ADAMTS18: variants seen among roughly 807,000 people sequenced by gnomAD.
ADAMTS18 encodes ADAM metallopeptidase with thrombospondin type 1 motif 18, also known as A disintegrin and metalloproteinase with thrombospondin motifs 18.
In ADAMTS18, 157 loss-of-function variants were observed where a neutral mutation model predicts 165.9. The ratio of observed to expected loss-of-function variants is 0.95; its 90% CI spans 0.83 to 1.08. The LOEUF is 1.08. Ranked by LOEUF, ADAMTS18 falls within the 50% of genes least tolerant of loss-of-function variation. The probability of loss-of-function intolerance (pLI) is 0.00; values close to 1 mark genes in which losing one functional copy is unlikely to be tolerated. For synonymous variants in ADAMTS18, 782 were observed against 578.2 expected (o/e 1.35, Z -5.06); for missense variants, 2,040 against 1,534.0 (o/e 1.33, Z -5.51).
intron 16 of ADAMTS18, among the ~76,000 whole-genome samples, chr16:77,314,649 G>GTGTGTGTGTGTGTGTGTGTATA (rs10527824): frequency 1.6e-5 from 2 of 126,500 alleles, no homozygotes; most frequent in African/African-American, 6.2e-5. Flanking sequence ...GTGTGTGTGT[G>GTGTGTGTGTGTGTGTGTGTATA]TATATATATA....
At chr16:77,295,617 G>C (rs1234281471) in intron 18 of ADAMTS18, among the ~76,000 whole-genome samples, 2 of 152,198 alleles carry the variant, frequency 1.3e-5, no homozygotes, top group Non-Finnish European at 2.9e-5. Flanking sequence ...AGTCATCAAT[G>C]AGAGAGAAAG....
chr16:77,388,498 G>A (rs1321573096), intron 3 of ADAMTS18, among the ~76,000 whole-genome samples: 2 of 152,156 alleles, frequency 1.3e-5, no homozygotes, highest in African/African-American at 2.4e-5. Context: ...CCAAATGTGT[G>A]GGTTCAAATT....
rs1339666455 is a variant in ADAMTS18, at chr16:77,291,346, C to T, written c.3322G>A (p.Glu1108Lys). 20 of 1,614,228 alleles carry T rather than the reference C, an allele frequency of 1.2e-5. No individual in the cohort carries two copies. The highest frequency in any genetic ancestry group is 1.6e-5 in the Non-Finnish European group (19 of 1,180,036). The change falls in exon 21 of 23, where the codon GAG becomes AAG. Residue 1108 changes from glutamate to lysine, a missense_variant. Coordinates refer to ENST00000282849, the MANE Select transcript of ADAMTS18 (RefSeq NM_199355.4). ...GGGCAAGCCCGTCGGTTGCAGGTCTCTTCCAAGTCCAGATTTGGTTTCTTA... is the reference window on the plus strand; with the variant it reads ...GGGCAAGCCCGTCGGTTGCAGGTCTTTTCCAAGTCCAGATTTGGTTTCTTA... The part of the protein sequence containing the change: ...NIKKPNLDLE[E>K]TCNRRACPAH...
intron 10 of ADAMTS18, 27 bp from the exon 11 acceptor site, chr16:77,341,826 G>A: frequency 2.0e-6 from 3 of 1,524,940 alleles, no homozygotes; most frequent in Admixed American, 3.4e-5. Context: ...GGGGGGTGCT[G>A]TTAATGGTGA....
intron 22 of ADAMTS18, among the ~76,000 whole-genome samples, chr16:77,285,921 C>A (rs546896307): frequency 1.3e-5 from 2 of 152,300 alleles, no homozygotes; most frequent in South Asian, 4.2e-4. Context: ...CTCGAGACAA[C>A]CTGCACTCCT....
At chr16:77,388,634 T>A (rs200836) in intron 3 of ADAMTS18, among the ~76,000 whole-genome samples, 27,677 of 152,108 alleles carry the variant, frequency 0.18, 3,312 homozygotes, top group Non-Finnish European at 0.27. Context: ...AAGGCATAAA[T>A]ATATATAAAT....
intron 10 of ADAMTS18, 119 bp from the exon 11 acceptor site, chr16:77,341,918 G>C: frequency 1.2e-6 from 1 of 801,392 alleles, no homozygotes; most frequent in Non-Finnish European, 2.0e-6. Context: ...CAATTATTCA[G>C]AAAGTAGAGG....
chr16:77,354,392 A>T (rs950470909), intron 9 of ADAMTS18, among the ~76,000 whole-genome samples: 3 of 152,206 alleles, frequency 2.0e-5, no homozygotes, highest in Non-Finnish European at 2.9e-5. Context: ...AGACAAAAAT[A>T]AATAACATTC....
In ADAMTS18 at chr16:77,306,200, A is replaced by G. The variant is rs571577953; in HGVS notation, c.2533-5796T>C. Among the ~76,000 whole-genome samples the G allele has an allele frequency of 2.0e-5, 3 of 152,344 alleles. No individual in the cohort carries two copies. In the East Asian group the frequency reaches 5.8e-4, roughly 29 times the overall value. ...TGGAGTCTCCAATTTACAGCTGGCA[A>G]GCAACCTCCTTAAATGCTTCCAGGT... On this transcript the variant is annotated intron_variant, in intron 16 of 22. Transcript: ENST00000282849.
chr16:77,345,378 C>G (rs2056460789), intron 10 of ADAMTS18, among the ~76,000 whole-genome samples: 1 of 152,222 alleles, frequency 6.6e-6, no homozygotes, highest in Non-Finnish European at 1.5e-5. Context: ...ATCTTTGACT[C>G]TTCTGTTTCT....
chr16:77,388,039 G>C (rs180861745), intron 3 of ADAMTS18, among the ~76,000 whole-genome samples: 27 of 152,292 alleles, frequency 1.8e-4, no homozygotes, highest in Admixed American at 4.6e-4. Flanking sequence ...ACCTGTTTCT[G>C]TCTTTCTCTG....
intron 12 of ADAMTS18, among the ~76,000 whole-genome samples, chr16:77,326,889 T>A (rs1393062355): frequency 6.6e-6 from 1 of 152,162 alleles, no homozygotes; most frequent in African/African-American, 2.4e-5. Context: ...CCACTCTCAA[T>A]CTTTGGGTCC....
rs1466506903 is a variant in ADAMTS18, at chr16:77,283,825, C to T, written c.*131G>A. 1.4e-6 allele frequency: 1 copy of T among 724,668 alleles called. No homozygotes were observed. Among genetic ancestry groups the T allele is most frequent in the Non-Finnish European group, 2.5e-6 (1 of 406,852 alleles). The allele number at this position is 724,668 out of a possible 1,614,324, so 44.9% of individuals were successfully genotyped here. On this transcript the variant is annotated 3_prime_UTR_variant, in exon 23 of 23. Coordinates refer to ENST00000282849, the MANE Select transcript of ADAMTS18 (RefSeq NM_199355.4). ...CTGGCAACCTGTCTGTTCCTCAGAG[C>T]AGGCTCCTTCATCACAGCGGCAGCT... is the stretch of plus-strand genomic sequence containing the variant.
chr16:77,285,543 A>G (rs927676596), intron 22 of ADAMTS18, among the ~76,000 whole-genome samples: 2 of 151,106 alleles, frequency 1.3e-5, no homozygotes, highest in African/African-American at 4.9e-5. Context: ...ATAATTCAGA[A>G]ATGCTTAGAG....
chr16:77,369,921 T>C lies in ADAMTS18; in HGVS notation c.496-2198A>G, dbSNP rs578245929. On this transcript the variant is annotated intron_variant, in intron 3 of 22. Coordinates refer to ENST00000282849, the MANE Select transcript of ADAMTS18 (RefSeq NM_199355.4). ...AGTGGAATTCATCTCAGGGTTGCAA[T>C]AGTTTAACATACATTAATCAACAAA... Among the ~76,000 whole-genome samples the C allele has an allele frequency of 4.6e-5, 7 of 152,302 alleles. No homozygotes were observed. The East Asian group carries it at 9.6e-4, about 21-fold the overall frequency.
rs766820347 is a variant in ADAMTS18, at chr16:77,282,511, T to A, written c.*1445A>T. The A allele has an allele frequency of 1.3e-5, 2 of 152,730 alleles. No individual in the cohort carries two copies. The highest frequency in any genetic ancestry group is 2.1e-4 in the South Asian group (1 of 4,830). The allele number at this position is 152,730 out of a possible 1,614,324, so 9.5% of individuals were successfully genotyped here. A position where few individuals can be genotyped will look rare whatever the true frequency, so the allele number is the denominator to read the frequency against. On this transcript the variant is annotated 3_prime_UTR_variant, in exon 23 of 23. Coordinates refer to ENST00000282849, the MANE Select transcript of ADAMTS18 (RefSeq NM_199355.4). ...CTTTAATTAGAATGGGAACGAAGTA[T>A]GCTGCTAAATTTAACAAACCACTGT...
intron 16 of ADAMTS18, among the ~76,000 whole-genome samples, chr16:77,317,097 CA>C (rs947961019): frequency 6.6e-6 from 1 of 152,138 alleles, no homozygotes; most frequent in Non-Finnish European, 1.5e-5. Context: ...CTCTCTAATT[CA>C]AAAAGTCTGT....
chr16:77,384,724 A>T (rs986192061), intron 3 of ADAMTS18, among the ~76,000 whole-genome samples: 4 of 152,198 alleles, frequency 2.6e-5, no homozygotes. Flanking sequence ...ATTACTGTGA[A>T]ATATGACAAA....
At chr16:77,334,717 G>GTA (rs1484012953) in intron 12 of ADAMTS18, among the ~76,000 whole-genome samples, 1 of 91,352 alleles carries the variant, frequency 1.1e-5, no homozygotes, top group Non-Finnish European at 2.1e-5. Flanking sequence ...GTATACTATA[G>GTA]TATACTACTA....
Sources: gnomAD v4.1 joint callset for allele counts (sites outside exome capture counted in the v4.1 genomes callset) on GRCh38, gnomAD v4.1.1 for gene constraint, MANE v1.5 for transcripts, NCBI Gene and HGNC (gene_info 2026-07-23, HGNC 2026-07-21) for gene names.